AKAP9: variants seen among roughly 807,000 people sequenced by gnomAD.
AKAP9 encodes A-kinase anchoring protein 9.
In AKAP9, 311 loss-of-function variants were observed where a neutral mutation model predicts 488.5. The ratio of observed to expected loss-of-function variants is 0.64; its 90% CI spans 0.58 to 0.70. The LOEUF is 0.70. Ranked by LOEUF, AKAP9 falls within the 30% of genes least tolerant of loss-of-function variation. The pLI is 0.00. For synonymous variants in AKAP9, 1,462 were observed against 1,483.5 expected (o/e 0.99, Z 0.33); for missense variants, 4,215 against 4,374.5 (o/e 0.96, Z 1.03).
chr7:91,967,200 G>C (rs1794529477), intron 1 of AKAP9, among the ~76,000 whole-genome samples: 1 of 152,070 alleles, frequency 6.6e-6, no homozygotes, highest in South Asian at 2.1e-4. Flanking sequence ...TTGTTTATCA[G>C]TTCTAACAGT....
chr7:92,084,650 T>C lies in AKAP9; in HGVS notation c.8657T>C (p.Ile2886Thr). The change falls in exon 34 of 50, where the codon ATT (isoleucine) becomes ACT (threonine). Residue 2886 changes from isoleucine (I) to threonine (T), a missense_variant. Ile to Thr is a moderately conservative substitution (Grantham distance 89, BLOSUM62 -1). Transcript: ENST00000356239. ...GTTTTCTCTAATTAGGGATCCTCAA[T>C]TCCTGAGCTAGCACATTCTGATGCT... Reference protein sequence around the residue: ...QCLRSKEGSSIPELAHSDAYQ... With the variant: ...QCLRSKEGSSTPELAHSDAYQ... The C allele has an allele frequency of 6.2e-7, 1 of 1,608,920 alleles. No individual in the cohort carries two copies. Among genetic ancestry groups the C allele is most frequent in the East Asian group, 2.2e-5 (1 of 44,778 alleles).
Position 92,042,718 on chromosome 7 carries a change from G to T in AKAP9, c.5109G>T (p.Lys1703Asn). 2 of 1,611,998 alleles carry T rather than the reference G, an allele frequency of 1.2e-6. No homozygotes were observed. Among genetic ancestry groups the T allele is most frequent in the East Asian group, 4.5e-5 (2 of 44,632 alleles). Residue 1703 changes from lysine (K) to asparagine (N), a missense_variant, in exon 20 of 50, where the codon AAG (lysine) becomes AAT (asparagine). Transcript: ENST00000356239. Reference protein sequence around the residue: ...GEVEEQTFKEKELDRKPEDVP... With the variant: ...GEVEEQTFKENELDRKPEDVP... The stretch of plus-strand genomic sequence containing the variant: ...TTGAAGAACAAACATTTAAAGAAAA[G>T]GAATTAGACAGAAAACCTGAAGATG...
At chr7:91,986,464 C>G (rs1214871024) in intron 3 of AKAP9, among the ~76,000 whole-genome samples, 8 of 152,208 alleles carry the variant, frequency 5.3e-5, no homozygotes. Context: ...GCAGAAATCA[C>G]CCGTCTTCTG....
At position 92,100,570 on chromosome 7, in the gene AKAP9, T is replaced by A. The variant is rs1817360204; in HGVS notation, c.10897-286T>A. On this transcript the variant is annotated intron_variant, in intron 44 of 49. Coordinates refer to ENST00000356239, the MANE Select transcript of AKAP9 (RefSeq NM_005751.5). ...AGGCTCAAAATTTGAACCCAAATGG[T>A]CTGTTAGGTCTCTTGACTTTTTCAG... Among the ~76,000 whole-genome samples, 9 of 152,326 alleles carry A rather than the reference T, an allele frequency of 5.9e-5. No homozygotes were observed. In the South Asian group the frequency reaches 1.9e-3, roughly 32 times the overall value.
intron 8 of AKAP9, among the ~76,000 whole-genome samples, chr7:92,009,869 A>C (rs1436880545): frequency 6.6e-6 from 1 of 152,070 alleles, no homozygotes; most frequent in African/African-American, 2.4e-5. Context: ...CCATATGATA[A>C]ATTTTATTTT....
chr7:92,056,052 G>C lies in AKAP9; in HGVS notation c.5601+3094G>C, dbSNP rs1372699583. Reference sequence around the variant, plus strand: ...ATAATTTCAGTTATTTTAATTCATGGTCATCTTTCTGAACATGAATTAATA... The same window carrying C: ...ATAATTTCAGTTATTTTAATTCATGCTCATCTTTCTGAACATGAATTAATA... On this transcript the variant is annotated intron_variant, in intron 22 of 49. Transcript: ENST00000356239. 4.9e-5 allele frequency among the ~76,000 whole-genome samples: 7 copies of C among 142,730 alleles called. No homozygotes were observed. In the East Asian group the frequency reaches 1.2e-3, roughly 24 times the overall value. 93.6% of individuals were successfully genotyped at this position (142,730 alleles called of 152,430 possible). A position where few individuals can be genotyped will look rare whatever the true frequency, so the allele number is the denominator to read the frequency against.
chr7:92,080,061 T>G lies in AKAP9; in HGVS notation c.7928T>G (p.Leu2643Arg). 6.4e-7 allele frequency: 1 copy of G among 1,568,308 alleles called. No homozygotes were observed. The highest frequency in any genetic ancestry group is 8.6e-7 in the Non-Finnish European group (1 of 1,168,384). Residue 2643 changes from leucine (L) to arginine (R), a missense_variant, in exon 31 of 50, where the codon CTG (leucine) becomes CGG (arginine). By Grantham distance (102) the Leu-to-Arg change is moderately radical. Around this residue, in one of 5 missense-constraint regions of AKAP9, gnomAD observed 1,476 missense variants for 1,477.4 expected, o/e 1.00. Transcript: ENST00000356239. Reference sequence around the variant, plus strand: ...AATGTTTTAGAAAAAGAAAAGAAGCTGCTAGAACTACAGAAGCTATTGGAG... The same window carrying G: ...AATGTTTTAGAAAAAGAAAAGAAGCGGCTAGAACTACAGAAGCTATTGGAG... Reference protein sequence around the residue: ...EKNVLEKEKKLLELQKLLEGN... With the variant: ...EKNVLEKEKKRLELQKLLEGN...
rs142401936 is a variant in AKAP9 at position 91,973,742 on chromosome 7, C to G, written c.80C>G (p.Ser27Trp). The change falls in exon 2 of 50, where the codon TCG becomes TGG. Residue 27 changes from serine to tryptophan, a missense_variant. This residue lies in a region of AKAP9 where 2,361 missense variants were observed against 2,430.0 expected (regional missense o/e 0.97). Transcript: ENST00000356239. The stretch of plus-strand genomic sequence containing the variant: ...CAGTTTCGACAAAGAAAAGCTCAGT[C>G]GGATGGGCAGAGTCCTTCCAAGAAG... ...LAQFRQRKAQ[S>W]DGQSPSKKQK... The G allele has an allele frequency of 3.7e-6, 6 of 1,613,388 alleles. No individual in the cohort carries two copies. The highest frequency in any genetic ancestry group is 5.1e-6 in the Non-Finnish European group (6 of 1,179,872).
intron 1 of AKAP9, among the ~76,000 whole-genome samples, chr7:91,948,339 T>C (rs1331013563): frequency 6.6e-6 from 1 of 152,180 alleles, no homozygotes. Context: ...TTTCAACTTT[T>C]TGAGGAACTG....
rs755992276 is a variant in AKAP9 at position 92,077,652 on chromosome 7, T to C, written c.6766-44T>C. 17 of 1,510,672 alleles carry C rather than the reference T, an allele frequency of 1.1e-5. No homozygotes were observed. The African/African-American group carries it at 1.2e-4, about 11-fold the overall frequency. 93.6% of individuals were successfully genotyped at this position (1,510,672 alleles called of 1,614,324 possible). A position where few individuals can be genotyped will look rare whatever the true frequency, so the allele number is the denominator to read the frequency against. Reference sequence around the variant, plus strand: ...TTTTGTAATTATGTTCTGAAAATGATAGGTAATGATATATCCAACTGTGAT... The same window carrying C: ...TTTTGTAATTATGTTCTGAAAATGACAGGTAATGATATATCCAACTGTGAT... On this transcript the variant is annotated intron_variant, in intron 29 of 49. Coordinates refer to ENST00000356239, the MANE Select transcript of AKAP9 (RefSeq NM_005751.5).
intron 1 of AKAP9, among the ~76,000 whole-genome samples, chr7:91,952,677 T>C (rs1180072518): frequency 1.3e-5 from 2 of 152,190 alleles, no homozygotes; most frequent in African/African-American, 4.8e-5. Flanking sequence ...TTTGGTATTA[T>C]TGGAGTATAA....
intron 1 of AKAP9, among the ~76,000 whole-genome samples, chr7:91,952,091 T>G (rs980930160): frequency 1.3e-5 from 2 of 152,182 alleles, no homozygotes; most frequent in Non-Finnish European, 2.9e-5. Flanking sequence ...CTCCATTCTT[T>G]TCAGTCTTTC....
intron 16 of AKAP9, among the ~76,000 whole-genome samples, chr7:92,035,554 T>C (rs1267580384): frequency 1.3e-5 from 2 of 152,248 alleles, no homozygotes; most frequent in Admixed American, 1.3e-4. Context: ...TAATTTTGAA[T>C]TGTATATTAA....
chr7:91,968,465 T>G (rs979588596), intron 1 of AKAP9, among the ~76,000 whole-genome samples: 1 of 152,124 alleles, frequency 6.6e-6, no homozygotes, highest in African/African-American at 2.4e-5. Context: ...CATTTCTGAT[T>G]TTATTTGACC....
Position 92,096,678 on chromosome 7 carries a change from T to G in AKAP9, c.9730-11T>G, listed in dbSNP as rs767024340. On this transcript the variant is annotated splice_polypyrimidine_tract_variant and intron_variant, in intron 40 of 49. Transcript: ENST00000356239. ...ATTAACAAGTTCTTAAATTTGATTT[T>G]CTCGTACCAGGATCTGAAGTTTTCA... is the stretch of plus-strand genomic sequence containing the variant. The G allele has an allele frequency of 6.2e-7, 1 of 1,613,802 alleles. No individual in the cohort carries two copies. The highest frequency in any genetic ancestry group is 1.1e-5 in the South Asian group (1 of 90,922).
At chr7:91,964,566 A>G (rs1042967786) in intron 1 of AKAP9, among the ~76,000 whole-genome samples, 1 of 152,180 alleles carries the variant, frequency 6.6e-6, no homozygotes, top group Middle Eastern at 3.2e-3. Context: ...TATCGATGTA[A>G]CAAAACTGGA....
rs764065957 is a variant in AKAP9, at chr7:92,107,348, A to G, written c.11472A>G (p.Gly3824=). 6 of 1,613,878 alleles carry G rather than the reference A, an allele frequency of 3.7e-6. No homozygotes were observed. Among genetic ancestry groups the G allele is most frequent in the Non-Finnish European group, 4.2e-6 (5 of 1,179,834 alleles). The change falls in exon 48 of 50, where the codon GGA becomes GGG. Residue 3824 remains glycine (G), a synonymous_variant. Coordinates refer to ENST00000356239, the MANE Select transcript of AKAP9 (RefSeq NM_005751.5). ...YHSSGGLELY[G]EPRHTTYRSR... The stretch of plus-strand genomic sequence containing the variant: ...CTTCTGGTGGGCTGGAGTTATATGG[A>G]GAACCAAGACATACTACGTATCGCT...
intron 14 of AKAP9, among the ~76,000 whole-genome samples, chr7:92,025,164 T>C (rs1316173792): frequency 6.6e-6 from 1 of 152,164 alleles, no homozygotes; most frequent in African/African-American, 2.4e-5. Flanking sequence ...ACAAAATAGG[T>C]AATTAGGAAG....
chr7:92,076,999 T>C lies in AKAP9; in HGVS notation c.6757T>C (p.Leu2253=). Residue 2253 remains leucine, a synonymous_variant, in exon 29 of 50, where the codon TTA becomes CTA. Coordinates refer to ENST00000356239, the MANE Select transcript of AKAP9 (RefSeq NM_005751.5). ...RLQELEQENK[L]FKDDMEKLGL... is the part of the protein sequence containing the mutation. Reference sequence around the variant, plus strand: ...ACAAGAACTTGAACAGGAAAACAAATTATTTAAGGTAATTAGTTAAGAAAA... The same window carrying C: ...ACAAGAACTTGAACAGGAAAACAAACTATTTAAGGTAATTAGTTAAGAAAA... 1 of 1,563,338 alleles carries C rather than the reference T, an allele frequency of 6.4e-7. No individual in the cohort carries two copies. The highest frequency in any genetic ancestry group is 8.7e-7 in the Non-Finnish European group (1 of 1,150,602).
Sources: gnomAD v4.1 joint callset for allele counts (sites outside exome capture counted in the v4.1 genomes callset) on GRCh38, gnomAD v4.1.1 for gene constraint, gnomAD v4.1.1 regional missense constraint, MANE v1.5 for transcripts, NCBI Gene and HGNC (gene_info 2026-07-23, HGNC 2026-07-21) for gene names.